SGCZ: variants seen among roughly 807,000 people sequenced by gnomAD.
The protein encoded by SGCZ is zeta-sarcoglycan.
SGCZ carries 40 observed loss-of-function variants against 41.3 expected under a neutral mutation model. The observed-to-expected ratio is 0.97, with a 90% CI of 0.75 to 1.26. The LOEUF (loss-of-function observed/expected upper bound fraction) is 1.26, where lower values mean the gene tolerates loss of function less well. Among genes scored for constraint, SGCZ ranks in the 50% most tolerant of loss-of-function variants. SGCZ has a pLI of 0.00. For synonymous variants in SGCZ, 206 were observed against 137.5 expected (o/e 1.50, Z -3.49); for missense variants, 552 against 369.8 (o/e 1.49, Z -4.04).
chr8:14,172,040 G>C (rs981149135), intron 4 of SGCZ, among the ~76,000 whole-genome samples: 4 of 152,052 alleles, frequency 2.6e-5, no homozygotes, highest in African/African-American at 9.7e-5. Context: ...GCTTTGAAGA[G>C]TATTATTTGT....
intron 1 of SGCZ, among the ~76,000 whole-genome samples, chr8:14,924,579 C>T (rs1799687944): frequency 2.6e-5 from 4 of 151,668 alleles, no homozygotes; most frequent in African/African-American, 7.3e-5. Flanking sequence ...AGAAGCTTAT[C>T]CACATATTTC....
At chr8:14,725,389 AG>A (rs1277675980) in intron 1 of SGCZ, among the ~76,000 whole-genome samples, 5 of 152,108 alleles carry the variant, frequency 3.3e-5, no homozygotes, top group African/African-American at 1.2e-4. Flanking sequence ...TTATAATCCT[AG>A]TTTTTTGAGG....
intron 2 of SGCZ, among the ~76,000 whole-genome samples, chr8:14,409,377 G>A (rs1329514092): frequency 5.9e-5 from 9 of 151,982 alleles, no homozygotes; most frequent in Admixed American, 3.3e-4. Flanking sequence ...AATGTAGTTT[G>A]GAGGTAAATA....
chr8:14,646,836 G>A (rs533486602), intron 1 of SGCZ, among the ~76,000 whole-genome samples: 33 of 151,988 alleles, frequency 2.2e-4, no homozygotes, highest in South Asian at 4.1e-4. Flanking sequence ...CAGGAACTGG[G>A]AAGCTAAGGC....
chr8:14,824,244 C>T (rs948913911), intron 1 of SGCZ, among the ~76,000 whole-genome samples: 1 of 151,978 alleles, frequency 6.6e-6, no homozygotes, highest in Non-Finnish European at 1.5e-5. Flanking sequence ...AAGAGGGGCT[C>T]CTCAATGTTC....
chr8:14,745,795 T>A (rs896170323), intron 1 of SGCZ, among the ~76,000 whole-genome samples: 2 of 152,084 alleles, frequency 1.3e-5, no homozygotes, highest in Non-Finnish European at 2.9e-5. Flanking sequence ...AACAGTTTTC[T>A]GGACATTGAT....
At chr8:14,724,560 A>G (rs889926599) in intron 1 of SGCZ, among the ~76,000 whole-genome samples, 7 of 151,820 alleles carry the variant, frequency 4.6e-5, no homozygotes, top group Admixed American at 1.3e-4. Flanking sequence ...CTGAGAGACA[A>G]TCACTATATT....
Position 14,336,322 on chromosome 8 carries a change from T to C in SGCZ, c.235-12118A>G, listed in dbSNP as rs566259671. On this transcript the variant is annotated intron_variant, in intron 2 of 7. Coordinates refer to ENST00000382080, the MANE Select transcript of SGCZ (RefSeq NM_139167.4). ...CATTTTTTATTCAGTCTACAAATGA[T>C]GGGCATTCAGCCTGCTATTGATGGG... is the stretch of plus-strand genomic sequence containing the variant. 2.6e-5 allele frequency among the ~76,000 whole-genome samples: 4 copies of C among 152,286 alleles called. No individual in the cohort carries two copies. The South Asian group carries it at 8.3e-4, about 32-fold the overall frequency.
chr8:14,358,224 CTATAAA>C (rs1394881574), intron 2 of SGCZ, among the ~76,000 whole-genome samples: 1 of 152,124 alleles, frequency 6.6e-6, no homozygotes, highest in Non-Finnish European at 1.5e-5. Flanking sequence ...GATCTATAAA[CTATAAA>C]TATATTATCG....
At chr8:14,273,219 T>C (rs1399975028) in intron 3 of SGCZ, among the ~76,000 whole-genome samples, 2 of 152,088 alleles carry the variant, frequency 1.3e-5, no homozygotes, top group African/African-American at 4.8e-5. Flanking sequence ...TAATATAAAA[T>C]GTACTTTTGC....
At chr8:14,193,923 A>G (rs1805185669) in intron 4 of SGCZ, among the ~76,000 whole-genome samples, 1 of 151,844 alleles carries the variant, frequency 6.6e-6, no homozygotes, top group Admixed American at 6.6e-5. Context: ...TTAATATACT[A>G]TGTTAATTAA....
chr8:14,794,605 G>A (rs1033251924), intron 1 of SGCZ, among the ~76,000 whole-genome samples: 4 of 152,232 alleles, frequency 2.6e-5, no homozygotes, highest in Admixed American at 2.0e-4. Flanking sequence ...TTTCCATTAA[G>A]AAAGAAGTTA....
chr8:14,903,322 G>C lies in SGCZ; in HGVS notation c.39+334263C>G, dbSNP rs17654609. Reference sequence around the variant, plus strand: ...CATACTAAATACAGATGCAGCAGCAGAGAAATTTTATGATCCTCACCACTA... The same window carrying C: ...CATACTAAATACAGATGCAGCAGCACAGAAATTTTATGATCCTCACCACTA... On this transcript the variant is annotated intron_variant, in intron 1 of 7. Coordinates refer to ENST00000382080, the MANE Select transcript of SGCZ (RefSeq NM_139167.4). Among the ~76,000 whole-genome samples, 226 of 152,202 alleles carry C rather than the reference G, an allele frequency of 1.5e-3. 2 individuals are homozygous for C. In the East Asian group the frequency reaches 0.039, roughly 26 times the overall value.
chr8:14,261,081 A>G (rs906489709), intron 3 of SGCZ, among the ~76,000 whole-genome samples: 1 of 148,244 alleles, frequency 6.7e-6, no homozygotes, highest in Non-Finnish European at 1.5e-5. Flanking sequence ...CATGTACCCT[A>G]AAACTTCAAG....
At chr8:14,567,368 T>C (rs1451443340) in intron 1 of SGCZ, among the ~76,000 whole-genome samples, 2 of 152,146 alleles carry the variant, frequency 1.3e-5, no homozygotes, top group African/African-American at 4.8e-5. Flanking sequence ...CAATCGGCAC[T>C]CTGTATCTAG....
At chr8:14,231,199 T>TGTGGG (rs1563200021) in intron 4 of SGCZ, among the ~76,000 whole-genome samples, 1 of 41,248 alleles carries the variant, frequency 2.4e-5, no homozygotes, top group African/African-American at 9.6e-5. Flanking sequence ...GTGTGTGTAG[T>TGTGGG]GGGGAGAGAG....
intron 1 of SGCZ, among the ~76,000 whole-genome samples, chr8:14,578,163 T>C (rs1804773856): frequency 6.6e-6 from 1 of 152,164 alleles, no homozygotes; most frequent in African/African-American, 2.4e-5. Context: ...CATGAAGATT[T>C]TGGTGATAAA....
At chr8:15,200,321 C>G (rs7814931) in intron 1 of SGCZ, among the ~76,000 whole-genome samples, 1 of 152,210 alleles carries the variant, frequency 6.6e-6, no homozygotes, top group Non-Finnish European at 1.5e-5. Flanking sequence ...GTAACAACCT[C>G]ATTAGAATTC....
At chr8:14,221,386 G>A (rs1806189171) in intron 4 of SGCZ, among the ~76,000 whole-genome samples, 1 of 152,168 alleles carries the variant, frequency 6.6e-6, no homozygotes, top group Non-Finnish European at 1.5e-5. Context: ...TAATTTTCAG[G>A]AGAGGCAATT....
Sources: gnomAD v4.1 joint callset for allele counts (sites outside exome capture counted in the v4.1 genomes callset) on GRCh38, gnomAD v4.1.1 for gene constraint, MANE v1.5 for transcripts, NCBI Gene and HGNC (gene_info 2026-07-23, HGNC 2026-07-21) for gene names.